The following DST variants were observed in gnomAD, a reference collection of about 807,000 sequenced individuals.
DST encodes the protein bullous pemphigoid antigen.
DST carries 253 observed loss-of-function variants against 875.2 expected under a neutral mutation model. The observed-to-expected ratio is 0.29, with a 90% CI of 0.26 to 0.32. The LOEUF (loss-of-function observed/expected upper bound fraction) is 0.32. DST is among the 10% of genes least tolerant of loss of function. DST has a pLI of 1.00. For synonymous variants in DST, 3,124 were observed against 3,197.1 expected (o/e 0.98, Z 0.77); for missense variants, 8,287 against 9,111.6 (o/e 0.91, Z 3.68).
intron 47 of DST, among the ~76,000 whole-genome samples, chr6:56,596,183 C>T (rs945899908): frequency 1.3e-5 from 2 of 152,074 alleles, no homozygotes; most frequent in Non-Finnish European, 1.5e-5. Flanking sequence ...CACGCACCAC[C>T]ACACCCAGCT....
intron 36 of DST, among the ~76,000 whole-genome samples, chr6:56,621,485 T>C (rs2098690282): frequency 6.6e-6 from 1 of 152,194 alleles, no homozygotes; most frequent in Non-Finnish European, 1.5e-5. Flanking sequence ...GTTAATAACA[T>C]GCCTCATATG....
intron 53 of DST, 66 bp downstream of exon 53, chr6:56,572,029 TAAGTA>T: frequency 1.2e-6 from 1 of 862,162 alleles, no homozygotes; most frequent in Non-Finnish European, 1.6e-6. Flanking sequence ...GTTATCTATA[TAAGTA>T]AATACAAGTA....
intron 2 of DST, chr6:56,945,713 C>T (rs1158169581): frequency 6.6e-6 from 1 of 152,046 alleles, no homozygotes; most frequent in African/African-American, 2.4e-5. Context: ...GCCCAGCAAA[C>T]CTATTGCCAG....
chr6:56,594,333 A>T, intron 47 of DST, 140 bp from the exon 48 acceptor site: 1 of 595,626 alleles, frequency 1.7e-6, no homozygotes, highest in East Asian at 2.8e-5. Flanking sequence ...TTCAAGCTAT[A>T]CCGTACTCCC....
chr6:56,799,736 C>G (rs1186895149), intron 4 of DST, among the ~76,000 whole-genome samples: 1 of 151,970 alleles, frequency 6.6e-6, no homozygotes, highest in African/African-American at 2.4e-5. Flanking sequence ...ATTCTCCTGC[C>G]TCGGCCTTCC....
rs574896557 is a variant in DST at position 56,650,629 on chromosome 6, G to C, written c.1434+297C>G. ...ATACAGCAATGTAAAACGGCAGCCA[G>C]CTAAAAATGGAAAACTCTAAATTTC... is the stretch of plus-strand genomic sequence containing the variant. On this transcript the variant is annotated intron_variant, in intron 12 of 103. Transcript: ENST00000680361. Among the ~76,000 whole-genome samples the C allele has an allele frequency of 2.0e-5, 3 of 152,252 alleles. No homozygotes were observed. In the South Asian group the frequency reaches 6.2e-4, roughly 32 times the overall value.
At chr6:56,855,675 T>C (rs2127584148) in intron 3 of DST, among the ~76,000 whole-genome samples, 1 of 152,356 alleles carries the variant, frequency 6.6e-6, no homozygotes, top group Middle Eastern at 3.4e-3. Flanking sequence ...TATTCATGCA[T>C]TCCTTTTCCA....
chr6:56,779,304 A>G (rs972361138), intron 4 of DST, among the ~76,000 whole-genome samples: 12 of 152,078 alleles, frequency 7.9e-5, no homozygotes, highest in Non-Finnish European at 1.6e-4. Context: ...AGATGAGTAG[A>G]TTGCAAAAAA....
At chr6:56,669,809 G>A (rs979009895) in intron 10 of DST, among the ~76,000 whole-genome samples, 8 of 152,088 alleles carry the variant, frequency 5.3e-5, no homozygotes, top group African/African-American at 1.9e-4. Context: ...GGGATGTTGT[G>A]AGGAGAAAAT....
Position 56,592,170 on chromosome 6 carries a change from C to G in DST, c.12903+12G>C. 1 of 1,609,838 alleles carries G rather than the reference C, an allele frequency of 6.2e-7. No homozygotes were observed. Among genetic ancestry groups the G allele is most frequent in the Non-Finnish European group, 8.5e-7 (1 of 1,178,308 alleles). ...GACTACTGGAAATGTGGATCTTTCTCTCGCTTTTTACCTTGGTCTCTTCTA... is the reference window on the plus strand; with the variant it reads ...GACTACTGGAAATGTGGATCTTTCTGTCGCTTTTTACCTTGGTCTCTTCTA... On this transcript the variant is annotated intron_variant, in intron 49 of 103. Transcript: ENST00000680361.
At chr6:56,826,213 A>G (rs1235620150) in intron 4 of DST, among the ~76,000 whole-genome samples, 4 of 152,216 alleles carry the variant, frequency 2.6e-5, no homozygotes, top group African/African-American at 7.2e-5. Flanking sequence ...TCAGCCATAA[A>G]TGACCACACA....
intron 36 of DST, chr6:56,619,071 T>C: frequency 6.2e-7 from 1 of 1,614,130 alleles, no homozygotes; most frequent in Non-Finnish European, 8.5e-7. Flanking sequence ...TTTTGACTTT[T>C]CGCCAGGTCT....
At chr6:56,753,426 G>A (rs181721887) in intron 4 of DST, among the ~76,000 whole-genome samples, 1 of 152,230 alleles carries the variant, frequency 6.6e-6, no homozygotes, top group Admixed American at 6.5e-5. Context: ...AACTCTATTG[G>A]CTAAAGCAAC....
intron 4 of DST, among the ~76,000 whole-genome samples, chr6:56,777,392 G>A (rs1260944424): frequency 6.6e-6 from 1 of 152,028 alleles, no homozygotes; most frequent in East Asian, 1.9e-4. Flanking sequence ...CAGGCAAGTA[G>A]ATGGTTTCCA....
At chr6:56,566,009 C>G (rs1585068373) in intron 55 of DST, among the ~76,000 whole-genome samples, 2 of 152,194 alleles carry the variant, frequency 1.3e-5, no homozygotes, top group Non-Finnish European at 2.9e-5. Flanking sequence ...GGGAAAACCA[C>G]CTACTCAAGC....
chr6:56,582,544 C>T (rs1378232012), intron 49 of DST, among the ~76,000 whole-genome samples: 3 of 152,004 alleles, frequency 2.0e-5, no homozygotes, highest in African/African-American at 7.3e-5. Flanking sequence ...CCTGTAGAAT[C>T]GTGAGCCAAC....
chr6:56,872,550 T>A (rs998174813), intron 3 of DST, among the ~76,000 whole-genome samples: 1 of 151,942 alleles, frequency 6.6e-6, no homozygotes, highest in Non-Finnish European at 1.5e-5. Context: ...AAATAAAAAA[T>A]TTAAACTTTT....
At chr6:56,944,587 GT>G (rs1437981498) in intron 2 of DST, among the ~76,000 whole-genome samples, 1 of 152,174 alleles carries the variant, frequency 6.6e-6, no homozygotes, top group African/African-American at 2.4e-5. Context: ...ATCATGGTCT[GT>G]TTGAAGAATT....
At chr6:56,826,558 T>C (rs1364704309) in intron 4 of DST, among the ~76,000 whole-genome samples, 11 of 152,314 alleles carry the variant, frequency 7.2e-5, no homozygotes, top group Non-Finnish European at 7.3e-5. Flanking sequence ...TGTTTGCATA[T>C]AGAATTTTTT....
Sources: allele counts gnomAD v4.1 joint callset (sites outside exome capture counted in the v4.1 genomes callset), GRCh38; gene constraint gnomAD v4.1.1; transcripts MANE v1.5; gene names NCBI Gene and HGNC (gene_info 2026-07-23, HGNC 2026-07-21).